Variants in PTPN6 observed in about 807,000 individuals in gnomAD.
PTPN6 encodes protein tyrosine phosphatase non-receptor type 6.
A neutral mutation model predicts 81.5 loss-of-function variants in PTPN6; 18 were observed. The ratio of observed to expected loss-of-function variants is 0.22; its 90% CI spans 0.15 to 0.33. The LOEUF (loss-of-function observed/expected upper bound fraction) is 0.33. PTPN6 is among the 10% of genes least tolerant of loss of function. The pLI, the probability that PTPN6 is intolerant of heterozygous loss-of-function variation, is 1.00. For missense variants in PTPN6, 500 were observed against 794.2 expected, an observed-to-expected ratio of 0.63 and a Z score of 4.45; for synonymous variants, 301 against 310.9, an observed-to-expected ratio of 0.97 and a Z score of 0.33.
chr12:6,952,397 C>A lies in PTPN6; in HGVS notation c.326+220C>A. ...CCTTTCCACCTAACCCCGAGGAAGC[C>A]ACAGAAAGCTGCCTCGCCCTACTCC... is the stretch of plus-strand genomic sequence containing the variant. On this transcript the variant is annotated intron_variant, in intron 3 of 15. Coordinates refer to ENST00000318974, the MANE Select transcript of PTPN6 (RefSeq NM_002831.6). The surrounding 1 kb of genome is among the most constrained non-coding windows in gnomAD (Gnocchi z 8.1). 1 of 617,320 alleles carries A rather than the reference C, an allele frequency of 1.6e-6. No homozygotes were observed. Among genetic ancestry groups the A allele is most frequent in the Non-Finnish European group, 2.8e-6 (1 of 354,502 alleles). 38.2% of individuals were successfully genotyped at this position (617,320 alleles called of 1,614,324 possible). A position where few individuals can be genotyped will look rare whatever the true frequency, so the allele number is the denominator to read the frequency against.
rs1225485751 is a variant in PTPN6 at position 6,959,637 on chromosome 12, T to C, written c.1362-290T>C. 3.7e-6 allele frequency: 2 copies of C among 547,624 alleles called. No individual in the cohort carries two copies. The highest frequency in any genetic ancestry group is 6.4e-5 in the Admixed American group (2 of 31,408). The allele number at this position is 547,624 out of a possible 1,614,324, so 33.9% of individuals were successfully genotyped here. On this transcript the variant is annotated intron_variant, in intron 11 of 15. Transcript: ENST00000318974. This position sits in a 1 kb window ranked among gnomAD's most constrained non-coding sequence, Gnocchi z 6.6. ...TTTGGGGGTCCCAGGTCTTCCGGGGTGGGGGCAGCCACTCACTAGGAGTGA... is the reference window on the plus strand; with the variant it reads ...TTTGGGGGTCCCAGGTCTTCCGGGGCGGGGGCAGCCACTCACTAGGAGTGA...
rs781967573 is a variant in PTPN6 at position 6,956,581 on chromosome 12, C to CG, written c.1074+13_1074+14insG. On this transcript the variant is annotated intron_variant, in intron 9 of 15. Coordinates refer to ENST00000318974, the MANE Select transcript of PTPN6 (RefSeq NM_002831.6). This position sits in a 1 kb window ranked among gnomAD's most constrained non-coding sequence, Gnocchi z 4.1. ...GGAGAAAGGCCGGGTAGGGCGCCCCCCCTTCCCCGCATCCGCCCCCGTGCT... is the reference window on the plus strand; with the variant it reads ...GGAGAAAGGCCGGGTAGGGCGCCCCCGCCTTCCCCGCATCCGCCCCCGTGCT... 1.2e-3 allele frequency: 1,998 copies of CG among 1,613,244 alleles called. 21 individuals are homozygous for CG. The African/African-American group carries it at 0.024, about 19-fold the overall frequency.
Position 6,960,458 on chromosome 12 carries a change from G to T in PTPN6, c.1673+23G>T, listed in dbSNP as rs781859729. Reference sequence around the variant, plus strand: ...CAAGTGAGTGGCCCTGACTGCCACTGCCCGGCATCCACCCCTTTGTCCTGC... The same window carrying T: ...CAAGTGAGTGGCCCTGACTGCCACTTCCCGGCATCCACCCCTTTGTCCTGC... On this transcript the variant is annotated intron_variant, in intron 14 of 15. Transcript: ENST00000318974. This position sits in a 1 kb window ranked among gnomAD's most constrained non-coding sequence, Gnocchi z 6.1. 1.2e-6 allele frequency: 2 copies of T among 1,602,116 alleles called. No homozygotes were observed. Among genetic ancestry groups the T allele is most frequent in the Non-Finnish European group, 1.7e-6 (2 of 1,170,258 alleles).
rs1357142512 is a variant in PTPN6 at position 6,955,930 on chromosome 12, C to G, written c.844+174C>G. 5.3e-5 allele frequency among the ~76,000 whole-genome samples: 8 copies of G among 151,962 alleles called. No individual in the cohort carries two copies. The highest frequency in any genetic ancestry group is 5.2e-4 in the Admixed American group (8 of 15,266). ...TCCTCCCAGAAGTGCCTCCCCACCACCAGCAGGCAGGTTGCCCCCTGCTCC... is the reference window on the plus strand; with the variant it reads ...TCCTCCCAGAAGTGCCTCCCCACCAGCAGCAGGCAGGTTGCCCCCTGCTCC... On this transcript the variant is annotated intron_variant, in intron 7 of 15. Coordinates refer to ENST00000318974, the MANE Select transcript of PTPN6 (RefSeq NM_002831.6). The surrounding 1 kb of genome is among the most constrained non-coding windows in gnomAD (Gnocchi z 7.2).
Position 6,955,944 on chromosome 12 carries a change from G to A in PTPN6, c.844+188G>A, listed in dbSNP as rs981642679. Among the ~76,000 whole-genome samples the A allele has an allele frequency of 6.6e-6, 1 of 151,038 alleles. No homozygotes were observed. Among genetic ancestry groups the A allele is most frequent in the Non-Finnish European group, 1.5e-5 (1 of 67,830 alleles). On this transcript the variant is annotated intron_variant, in intron 7 of 15. Coordinates refer to ENST00000318974, the MANE Select transcript of PTPN6 (RefSeq NM_002831.6). The surrounding 1 kb of genome is among the most constrained non-coding windows in gnomAD (Gnocchi z 7.2). ...CCTCCCCACCACCAGCAGGCAGGTT[G>A]CCCCCTGCTCCCAACCTCCTTGTGA...
upstream of PTPN6, among the ~76,000 whole-genome samples, chr12:6,948,083 T>G (rs1399135756): frequency 6.6e-6 from 1 of 150,608 alleles, no homozygotes; most frequent in Non-Finnish European, 1.5e-5. Context: ...CTCAGGAGTT[T>G]AAAACCAGCC....
At chr12:6,947,848 G>A (rs1945854969), upstream of PTPN6, among the ~76,000 whole-genome samples, 1 of 152,072 alleles carries the variant, frequency 6.6e-6, no homozygotes, top group Admixed American at 6.6e-5. Context: ...CAAGAGTCAA[G>A]CATCTCTGGG....
chr12:6,956,530 G>A lies in PTPN6; in HGVS notation c.1036G>A (p.Val346Ile), dbSNP rs879984166. The change falls in exon 9 of 16, where the codon GTC becomes ATC. Residue 346 changes from valine (V) to isoleucine (I), a missense_variant. By Grantham distance (29) the Val-to-Ile change is conservative. Around this residue, in one of 6 missense-constraint regions of PTPN6, gnomAD observed 226 missense variants for 364.4 expected, o/e 0.62. Transcript: ENST00000318974. This position sits in a 1 kb window ranked among gnomAD's most constrained non-coding sequence, Gnocchi z 4.1. ...GATGGCGTGGCAGGAGAACAGCCGT[G>A]TCATCGTCATGACCACCCGAGAGGT... ...WQMAWQENSR[V>I]IVMTTREVEK... The A allele has an allele frequency of 6.2e-7, 1 of 1,613,976 alleles. No homozygotes were observed. Among genetic ancestry groups the A allele is most frequent in the Non-Finnish European group, 8.5e-7 (1 of 1,180,028 alleles).
At chr12:6,947,250 C>A (rs1248641760), upstream of PTPN6, among the ~76,000 whole-genome samples, 1 of 152,202 alleles carries the variant, frequency 6.6e-6, no homozygotes, top group Non-Finnish European at 1.5e-5. Context: ...GCTGGTAATA[C>A]TGGAGTGAAC....
upstream of PTPN6, among the ~76,000 whole-genome samples, chr12:6,949,835 A>G (rs1266256441): frequency 6.9e-6 from 1 of 144,496 alleles, no homozygotes; most frequent in African/African-American, 2.6e-5. Flanking sequence ...TTTTTTTGAG[A>G]CGGAGTTTCA....
chr12:6,948,608 GAAAA>G (rs1440804550), upstream of PTPN6, among the ~76,000 whole-genome samples: 13 of 151,666 alleles, frequency 8.6e-5, no homozygotes, highest in African/African-American at 2.9e-4. Flanking sequence ...AGAAAGGAAA[GAAAA>G]AGAAAAAGTG....
upstream of PTPN6, among the ~76,000 whole-genome samples, chr12:6,947,462 G>A (rs760379003): frequency 2.6e-4 from 39 of 152,116 alleles, no homozygotes; most frequent in Non-Finnish European, 5.0e-4. Context: ...TTGAGCCCAG[G>A]AGTTTGAGAC....
Position 6,952,853 on chromosome 12 carries a change from TG to T in PTPN6, c.326+681del. ...TCTCCCAAAGGCATGGGCTGGGGGC[TG>T]GGGGCTCTGAATGCTCCTCATGACA... On this transcript the variant is annotated intron_variant, in intron 3 of 15. Transcript: ENST00000318974. The surrounding 1 kb of genome is among the most constrained non-coding windows in gnomAD (Gnocchi z 8.1). The T allele has an allele frequency of 6.4e-6, 1 of 155,062 alleles. No individual in the cohort carries two copies. Among genetic ancestry groups the T allele is most frequent in the Non-Finnish European group, 1.4e-5 (1 of 69,752 alleles). 9.6% of individuals were successfully genotyped at this position (155,062 alleles called of 1,614,324 possible). A position where few individuals can be genotyped will look rare whatever the true frequency, so the allele number is the denominator to read the frequency against.
At position 6,952,286 on chromosome 12, in the gene PTPN6, C is replaced by A; in HGVS notation, c.326+109C>A. On this transcript the variant is annotated intron_variant, in intron 3 of 15. Transcript: ENST00000318974. The surrounding 1 kb of genome is among the most constrained non-coding windows in gnomAD (Gnocchi z 8.1). ...AGCCGGCGCTGCCTACCCTCCATCC[C>A]CTCCCCTCCCTGCACCAGCTGGGGC... 4 of 1,314,160 alleles carry A rather than the reference C, an allele frequency of 3.0e-6. No homozygotes were observed. The highest frequency in any genetic ancestry group is 4.3e-6 in the Non-Finnish European group (4 of 922,502). 81.4% of individuals were successfully genotyped at this position (1,314,160 alleles called of 1,614,324 possible).
upstream of PTPN6, among the ~76,000 whole-genome samples, chr12:6,948,150 C>G (rs1945859080): frequency 6.6e-6 from 1 of 151,734 alleles, no homozygotes. Context: ...TATGATGGCC[C>G]AAGCATGTGG....
At chr12:6,946,802 G>C (rs782118614), upstream of PTPN6, 3 of 1,514,318 alleles carry the variant, frequency 2.0e-6, no homozygotes, top group Non-Finnish European at 2.7e-6. Context: ...GGAGGGCTTT[G>C]TTGATGCTCA....
Position 6,951,564 on chromosome 12 carries a change from G to C in PTPN6, c.8+44G>C. The stretch of plus-strand genomic sequence containing the variant: ...CGGTAGACAGGAGGCAAGGGTGCCT[G>C]GTGCCCACGGGACCCCTCCTCACTG... On this transcript the variant is annotated intron_variant, in intron 1 of 15. Coordinates refer to ENST00000318974, the MANE Select transcript of PTPN6 (RefSeq NM_002831.6). This position sits in a 1 kb window ranked among gnomAD's most constrained non-coding sequence, Gnocchi z 7.2. The C allele has an allele frequency of 6.2e-7, 1 of 1,613,992 alleles. No individual in the cohort carries two copies. Among genetic ancestry groups the C allele is most frequent in the Non-Finnish European group, 8.5e-7 (1 of 1,179,982 alleles).
chr12:6,961,264 C>G lies in PTPN6; in HGVS notation c.*164C>G. On this transcript the variant is annotated 3_prime_UTR_variant, in exon 16 of 16. Coordinates refer to ENST00000318974, the MANE Select transcript of PTPN6 (RefSeq NM_002831.6). The stretch of plus-strand genomic sequence containing the variant: ...ACCCTGTATATAGCCCAGCCAGGCC[C>G]CAGGCAGGGCCAACCCTTCTCCTCT... 2.8e-6 allele frequency: 1 copy of G among 363,148 alleles called. No individual in the cohort carries two copies. The highest frequency in any genetic ancestry group is 5.4e-6 in the Non-Finnish European group (1 of 186,562). The allele number at this position is 363,148 out of a possible 1,614,324, so 22.5% of individuals were successfully genotyped here.
chr12:6,958,882 C>T (rs782374064), intron 11 of PTPN6, among the ~76,000 whole-genome samples: 5 of 152,310 alleles, frequency 3.3e-5, no homozygotes, highest in African/African-American at 1.2e-4. Flanking sequence ...TCAGGGTTGT[C>T]GTGAGAACTC....
Sources: gnomAD v4.1 joint callset for allele counts (sites outside exome capture counted in the v4.1 genomes callset) on GRCh38, gnomAD v4.1.1 for gene constraint, gnomAD v4.1.1 regional missense constraint, Gnocchi (gnomAD v3.1) non-coding constraint, MANE v1.5 for transcripts, NCBI Gene and HGNC (gene_info 2026-07-23, HGNC 2026-07-21) for gene names.